Variants in CAST observed in about 807,000 individuals in gnomAD.
CAST encodes MIR583 host.
A neutral mutation model predicts 119.6 loss-of-function variants in CAST; 76 were observed. That is an observed-to-expected ratio of 0.64 (90% CI 0.53 to 0.77). The LOEUF is 0.77. Among genes scored for constraint, CAST ranks in the 30% least tolerant of loss-of-function variants. The pLI, the probability that CAST is intolerant of heterozygous loss-of-function variation, is 0.00. For missense variants in CAST, 953 were observed against 946.5 expected (o/e 1.01, Z -0.09); for synonymous variants, 319 against 331.6 (o/e 0.96, Z 0.41).
chr5:96,591,961 G>A (rs1349804877), intron 1 of CAST, among the ~76,000 whole-genome samples: 1 of 152,164 alleles, frequency 6.6e-6, no homozygotes, highest in Non-Finnish European at 1.5e-5. Flanking sequence ...AAAAACAGTA[G>A]AAAATTCAGA....
intron 1 of CAST, among the ~76,000 whole-genome samples, chr5:96,606,452 G>C (rs530852694): frequency 9.9e-4 from 151 of 152,338 alleles, no homozygotes; most frequent in South Asian, 2.3e-3. Context: ...AGGGCTGGAT[G>C]CAGAAAGAGC....
the CAST span, among the ~76,000 whole-genome samples, chr5:96,353,161 C>G: frequency 1.3e-5 from 2 of 151,914 alleles, no homozygotes; most frequent in Non-Finnish European, 1.5e-5. Context: ...TGAACAAGCA[C>G]ATAAACAAAA....
chr5:96,512,852 A>T, the CAST span, among the ~76,000 whole-genome samples: 1 of 152,232 alleles, frequency 6.6e-6, no homozygotes, highest in Admixed American at 6.5e-5. Flanking sequence ...ACCTTTTCAG[A>T]TATTAGGAAC....
the CAST span, among the ~76,000 whole-genome samples, chr5:96,463,658 T>A: frequency 6.6e-6 from 1 of 152,114 alleles, no homozygotes; most frequent in Admixed American, 6.6e-5. Context: ...GTTAAAGGAC[T>A]ATTTAAATGG....
At chr5:96,422,904 ATTCATAT>A in the CAST span, among the ~76,000 whole-genome samples, 3,727 of 152,224 alleles carry the variant, frequency 0.024, 149 homozygotes, top group African/African-American at 0.085. Context: ...AAGGAATCAC[ATTCATAT>A]AATTTTACAA....
At chr5:96,327,987 A>G in the CAST span, among the ~76,000 whole-genome samples, 1 of 152,192 alleles carries the variant, frequency 6.6e-6, no homozygotes, top group Non-Finnish European at 1.5e-5. Context: ...GGCTTCCTCC[A>G]CCAGATGCCC....
At chr5:96,354,688 T>C in the CAST span, among the ~76,000 whole-genome samples, 1 of 149,040 alleles carries the variant, frequency 6.7e-6, no homozygotes, top group Non-Finnish European at 1.5e-5. Flanking sequence ...ATGTATATTA[T>C]ATATAATATA....
At chr5:96,191,997 C>CA in the CAST span, among the ~76,000 whole-genome samples, 50 of 152,154 alleles carry the variant, frequency 3.3e-4, 1 homozygote, top group African/African-American at 1.1e-3. Flanking sequence ...TTCAATGGAA[C>CA]AAAAAATGGG....
chr5:96,738,587 C>A (rs946777854), intron 11 of CAST, among the ~76,000 whole-genome samples: 10 of 152,052 alleles, frequency 6.6e-5, no homozygotes, highest in Admixed American at 2.6e-4. Flanking sequence ...TTACCACCCT[C>A]AGTTTATCCC....
the CAST span, among the ~76,000 whole-genome samples, chr5:96,062,264 G>C: frequency 6.6e-6 from 1 of 152,102 alleles, no homozygotes; most frequent in Non-Finnish European, 1.5e-5. Context: ...CCCAGAAACT[G>C]CCTGTCTAGT....
rs766024591 is a variant in CAST at position 96,736,233 on chromosome 5, C to T, written c.692C>T (p.Ser231Leu). Residue 231 changes from serine to leucine, a missense_variant, in exon 10 of 32, where the codon TCG (serine) becomes TTG (leucine). Transcript: ENST00000675179. ...GTTGAATCTAAACCGGATAAACCATCGGGAAAGGTATGAAGACAACAGTGT... is the reference window on the plus strand; with the variant it reads ...GTTGAATCTAAACCGGATAAACCATTGGGAAAGGTATGAAGACAACAGTGT... ...VPVESKPDKP[S>L]GKSGMDAALD... is the part of the protein sequence containing the mutation. 76 of 1,605,910 alleles carry T rather than the reference C, an allele frequency of 4.7e-5. No homozygotes were observed. In the Middle Eastern group the frequency reaches 1.5e-3, roughly 31 times the overall value.
chr5:95,967,862 G>A, the CAST span, among the ~76,000 whole-genome samples: 1 of 152,140 alleles, frequency 6.6e-6, no homozygotes, highest in Non-Finnish European at 1.5e-5. Flanking sequence ...TCTTGATGGG[G>A]TTTTGAAGTT....
rs1760339877 is a variant in CAST at position 96,730,917 on chromosome 5, A to G, written c.630+57A>G. 1.0e-5 allele frequency: 13 copies of G among 1,287,004 alleles called. No individual in the cohort carries two copies. The South Asian group carries it at 1.5e-4, about 15-fold the overall frequency. 79.7% of individuals were successfully genotyped at this position (1,287,004 alleles called of 1,614,324 possible). On this transcript the variant is annotated intron_variant, in intron 9 of 31. Coordinates refer to ENST00000675179, the MANE Select transcript of CAST (RefSeq NM_001750.7). ...CCTCTGTGCTTCTCAAGTTTCTTTT[A>G]TGAGAAACGTATGCTCAAATAACCT...
chr5:95,982,865 A>T, the CAST span, among the ~76,000 whole-genome samples: 1 of 152,226 alleles, frequency 6.6e-6, no homozygotes, highest in Non-Finnish European at 1.5e-5. Flanking sequence ...AAATTAATTT[A>T]TAAAGACAAA....
chr5:96,186,670 T>G, the CAST span, among the ~76,000 whole-genome samples: 3 of 152,218 alleles, frequency 2.0e-5, no homozygotes, highest in Non-Finnish European at 4.4e-5. Flanking sequence ...GTGTTTATTT[T>G]GAACCAATCT....
the CAST span, among the ~76,000 whole-genome samples, chr5:96,420,757 G>A: frequency 1.4e-5 from 2 of 147,280 alleles, no homozygotes; most frequent in African/African-American, 2.5e-5. Flanking sequence ...GGGAGGGAGG[G>A]AGGAAGGAAG....
chr5:95,990,359 G>A, the CAST span, among the ~76,000 whole-genome samples: 1 of 152,150 alleles, frequency 6.6e-6, no homozygotes, highest in South Asian at 2.1e-4. Flanking sequence ...TGATGAGGAA[G>A]TTTCCTTATC....
the CAST span, among the ~76,000 whole-genome samples, chr5:96,102,825 AT>A: frequency 6.6e-6 from 1 of 151,072 alleles, no homozygotes; most frequent in Non-Finnish European, 1.5e-5. Context: ...CCTTTTCCTA[AT>A]CCTTTTCTCA....
At chr5:96,711,230 T>C (rs902207087) in intron 3 of CAST, among the ~76,000 whole-genome samples, 2 of 152,206 alleles carry the variant, frequency 1.3e-5, no homozygotes, top group African/African-American at 4.8e-5. Context: ...TATGTGTAAC[T>C]TCTCCATATC....
Sources: gnomAD v4.1 joint callset for allele counts (sites outside exome capture counted in the v4.1 genomes callset) on GRCh38, gnomAD v4.1.1 for gene constraint, MANE v1.5 for transcripts, NCBI Gene and HGNC (gene_info 2026-07-23, HGNC 2026-07-21) for gene names.